CTPS2: variants seen among roughly 807,000 people sequenced by gnomAD.
CTPS2 encodes CTP synthase II.
Under a neutral mutation model 46.8 loss-of-function variants are expected in CTPS2, and 19 were observed. The ratio of observed to expected loss-of-function variants is 0.41; its 90% CI spans 0.28 to 0.60. The LOEUF (loss-of-function observed/expected upper bound fraction) is 0.60. Among genes scored for constraint, CTPS2 ranks in the 20% least tolerant of loss-of-function variants. CTPS2 has a pLI of 0.35. For missense variants in CTPS2, 286 were observed against 447.6 expected (o/e 0.64, Z 3.26); for synonymous variants, 151 against 165.2 (o/e 0.91, Z 0.66).
intron 17 of CTPS2, among the ~76,000 whole-genome samples, chrX:16,593,621 A>T (rs1184811305): frequency 9.4e-6 from 1 of 106,580 alleles, no homozygotes; most frequent in Non-Finnish European, 1.9e-5. Context: ...GCAAAAAGAC[A>T]ATCTGTTTCC....
At chrX:16,652,745 G>T (rs1368172736) in intron 13 of CTPS2, among the ~76,000 whole-genome samples, 1 of 111,568 alleles carries the variant, frequency 9.0e-6, no homozygotes, top group African/African-American at 3.3e-5. Context: ...CTAATGGTAA[G>T]TTCTGAAAGT....
chrX:16,673,022 G>A (rs1484048986), intron 10 of CTPS2, among the ~76,000 whole-genome samples: 2 of 103,694 alleles, frequency 1.9e-5, no homozygotes, highest in Non-Finnish European at 3.9e-5. Flanking sequence ...AAGTAGCTGG[G>A]ACTACAGGCG....
chrX:16,689,236 C>T (rs1923494203), intron 8 of CTPS2, among the ~76,000 whole-genome samples: 1 of 112,414 alleles, frequency 8.9e-6, no homozygotes, highest in Admixed American at 9.5e-5. Context: ...CTTTAATTCA[C>T]TTTGGTTTAT....
At chrX:16,653,868 G>C (rs747784012) in intron 13 of CTPS2, among the ~76,000 whole-genome samples, 59 of 111,696 alleles carry the variant, frequency 5.3e-4, no homozygotes, top group African/African-American at 1.9e-3. Flanking sequence ...TCAAGTAAGT[G>C]ACTGCCTGTC....
intron 13 of CTPS2, chrX:16,654,380 T>C: frequency 1.9e-6 from 2 of 1,026,943 alleles, no homozygotes; most frequent in Middle Eastern, 2.6e-4. Flanking sequence ...CCCTCCCTTC[T>C]CCCATCCTTT....
chrX:16,638,254 C>CAA (rs1185750089), intron 14 of CTPS2, among the ~76,000 whole-genome samples: 29 of 37,952 alleles, frequency 7.6e-4, no homozygotes, highest in African/African-American at 2.9e-3. Context: ...GACTCTGTCT[C>CAA]AAAAAAAAAA....
At chrX:16,612,973 C>T (rs1032806882) in intron 16 of CTPS2, among the ~76,000 whole-genome samples, 2 of 112,350 alleles carry the variant, frequency 1.8e-5, no homozygotes, top group African/African-American at 6.5e-5. Flanking sequence ...CCATTGCTTT[C>T]CTTCTTTCAG....
chrX:16,593,204 C>T (rs950015084), intron 17 of CTPS2, among the ~76,000 whole-genome samples: 3 of 111,356 alleles, frequency 2.7e-5, no homozygotes, highest in East Asian at 2.8e-4. Context: ...CCAAGGTGGG[C>T]GGATCACGAG....
chrX:16,654,755 A>AAGAGAG lies in CTPS2; in HGVS notation c.1296+12753_1296+12758dup, dbSNP rs79064086. ...TTCAACTAATTCTATAGATTTAAAAAAGAGAGAGAGAGAGAGAGAGAGAGG... is the reference window on the plus strand; with the variant it reads ...TTCAACTAATTCTATAGATTTAAAAAAGAGAGAGAGAGAGAGAGAGAGAGAGAGAGG... On this transcript the variant is annotated intron_variant, in intron 13 of 18. Transcript: ENST00000359276. The AAGAGAG allele has an allele frequency of 3.8e-3, 557 of 146,517 alleles. 5 individuals carry two copies. The highest frequency in any genetic ancestry group is 0.018 in the African/African-American group (535 of 30,189). 12.1% of individuals were successfully genotyped at this position (146,517 alleles called of 1,213,427 possible). A position where few individuals can be genotyped will look rare whatever the true frequency, so the allele number is the denominator to read the frequency against.
intron 1 of CTPS2, among the ~76,000 whole-genome samples, chrX:16,710,038 C>T (rs1254331384): frequency 9.1e-6 from 1 of 109,333 alleles, no homozygotes; most frequent in African/African-American, 3.3e-5. Flanking sequence ...TCTCACCCCT[C>T]ATACTCCCCC....
At chrX:16,626,101 G>A (rs1345164650) in intron 14 of CTPS2, among the ~76,000 whole-genome samples, 1 of 111,574 alleles carries the variant, frequency 9.0e-6, no homozygotes, top group Non-Finnish European at 1.9e-5. Context: ...GAAAATAGAG[G>A]CCAGGCATGG....
intron 13 of CTPS2, among the ~76,000 whole-genome samples, chrX:16,663,278 TAGGACTATAGGTGCATGCC>T (rs1206863664): frequency 1.8e-5 from 2 of 111,147 alleles, no homozygotes; most frequent in East Asian, 5.7e-4. Context: ...CCCGAGTAGC[TAGGACTATAGGTGCATGCC>T]ACCATGCCCA....
At chrX:16,706,672 C>T (rs775219171) in intron 1 of CTPS2, among the ~76,000 whole-genome samples, 25 of 111,009 alleles carry the variant, frequency 2.3e-4, no homozygotes, top group African/African-American at 7.8e-4. Flanking sequence ...ACCAGCCTGG[C>T]GAACATGGTG....
At position 16,590,791 on chromosome X, in the gene CTPS2, T is replaced by C; in HGVS notation, c.*2A>G. On this transcript the variant is annotated 3_prime_UTR_variant, in exon 18 of 19. Coordinates refer to ENST00000359276, the MANE Select transcript of CTPS2 (RefSeq NM_175859.3). ...CCCATTATTCCCAGTCATGTATTCA[T>C]TTCAGCTTATTTCCAACTCAGCTAT... The C allele has an allele frequency of 8.5e-7, 1 of 1,180,681 alleles. No individual in the cohort carries two copies.
intron 4 of CTPS2, among the ~76,000 whole-genome samples, chrX:16,697,432 CTTT>C (rs5901594): frequency 0.12 from 7,233 of 59,586 alleles, 428 homozygotes; most frequent in South Asian, 0.26. Flanking sequence ...TCAAATACGA[CTTT>C]TTTTTTTTTT....
rs760190839 is a variant in CTPS2, at chrX:16,691,530, C to T, written c.720+10G>A. The T allele has an allele frequency of 5.0e-6, 6 of 1,198,866 alleles. No homozygotes were observed. In the Admixed American group the frequency reaches 1.3e-4, roughly 26 times the overall value. ...CTGCCAGACAATAAAATCTAAAGAGCAGCACCAACCTGTTCAGGGTTCACG... is the reference window on the plus strand; with the variant it reads ...CTGCCAGACAATAAAATCTAAAGAGTAGCACCAACCTGTTCAGGGTTCACG... On this transcript the variant is annotated intron_variant, in intron 7 of 18. Coordinates refer to ENST00000359276, the MANE Select transcript of CTPS2 (RefSeq NM_175859.3).
At chrX:16,685,929 T>C (rs1923168622) in intron 8 of CTPS2, among the ~76,000 whole-genome samples, 1 of 106,613 alleles carries the variant, frequency 9.4e-6, no homozygotes, top group Admixed American at 1.0e-4. Context: ...TGTGCCCACC[T>C]TGACTTCGGG....
chrX:16,664,071 T>C lies in CTPS2; in HGVS notation c.1296+3443A>G, dbSNP rs529486546. On this transcript the variant is annotated intron_variant, in intron 13 of 18. Coordinates refer to ENST00000359276, the MANE Select transcript of CTPS2 (RefSeq NM_175859.3). ...CAGGATGGTCTTGATCTCCTGACCT[T>C]GTGATCTGCCCGCCTTGGCCTCCCA... Among the ~76,000 whole-genome samples the C allele has an allele frequency of 1.3e-4, 15 of 111,646 alleles. No individual in the cohort carries two copies. The South Asian group carries it at 2.2e-3, about 17-fold the overall frequency.
intron 13 of CTPS2, among the ~76,000 whole-genome samples, chrX:16,646,673 G>C (rs1258966944): frequency 8.9e-6 from 1 of 112,299 alleles, no homozygotes; most frequent in Non-Finnish European, 1.9e-5. Flanking sequence ...AAGATAACAA[G>C]AACCCATGGA....
Sources: gnomAD v4.1 joint callset for allele counts (sites outside exome capture counted in the v4.1 genomes callset) on GRCh38, gnomAD v4.1.1 for gene constraint, MANE v1.5 for transcripts, NCBI Gene and HGNC (gene_info 2026-07-23, HGNC 2026-07-21) for gene names.